Variants in MPPE1 observed in about 807,000 individuals in gnomAD.
MPPE1 encodes metallo phosphoesterase.
Under a neutral mutation model 43.8 loss-of-function variants are expected in MPPE1, and 28 were observed. That is an observed-to-expected ratio of 0.64 (90% CI 0.47 to 0.88). The LOEUF is 0.88. MPPE1 is among the 40% of genes least tolerant of loss of function. MPPE1 has a pLI of 0.00. For synonymous variants in MPPE1, 159 were observed against 188.5 expected (o/e 0.84, Z 1.28); for missense variants, 428 against 492.2 (o/e 0.87, Z 1.23).
At chr18:11,904,278 G>A (rs2039483756) in intron 2 of MPPE1, among the ~76,000 whole-genome samples, 1 of 152,024 alleles carries the variant, frequency 6.6e-6, no homozygotes, top group African/African-American at 2.4e-5. Context: ...ATAACCATGT[G>A]AAGCAGCTAT....
intron 2 of MPPE1, among the ~76,000 whole-genome samples, chr18:11,901,890 G>A (rs963851432): frequency 3.9e-5 from 6 of 152,148 alleles, no homozygotes; most frequent in Non-Finnish European, 5.9e-5. Context: ...TTTTAACTAT[G>A]TCCTTTCAGA....
intron 6 of MPPE1, among the ~76,000 whole-genome samples, chr18:11,887,351 T>C (rs988330338): frequency 7.6e-6 from 1 of 130,908 alleles, no homozygotes; most frequent in African/African-American, 3.3e-5. Context: ...GCCTCTTCCA[T>C]GCAGGGCTAA....
chr18:11,886,655 A>G lies in MPPE1; in HGVS notation c.745-34T>C, dbSNP rs1273335014. The G allele has an allele frequency of 1.2e-6, 2 of 1,613,976 alleles. No individual in the cohort carries two copies. Among genetic ancestry groups the G allele is most frequent in the Non-Finnish European group, 1.7e-6 (2 of 1,180,034 alleles). On this transcript the variant is annotated intron_variant, in intron 8 of 10. Transcript: ENST00000588072. This position sits in a 1 kb window ranked among gnomAD's most constrained non-coding sequence, Gnocchi z 4.1. ...GGTGGAGAGAGGAGTTCAGGCGGCT[A>G]TCGTGAAACCACAGGCTGCCTGCTG... is the stretch of plus-strand genomic sequence containing the variant.
At chr18:11,905,298 C>T (rs1367439630) in intron 2 of MPPE1, 2 of 151,710 alleles carry the variant, frequency 1.3e-5, no homozygotes, top group African/African-American at 2.4e-5. Context: ...CAGAGGGAGA[C>T]TGTCTCAAAA....
intron 2 of MPPE1, among the ~76,000 whole-genome samples, chr18:11,903,388 A>G (rs558733349): frequency 1.2e-4 from 19 of 152,016 alleles, no homozygotes; most frequent in Non-Finnish European, 2.1e-4. Flanking sequence ...GCTCATGCTC[A>G]CCTCCCAAGC....
rs776457443 is a variant in MPPE1 at position 11,884,582 on chromosome 18, G to A, written c.1054C>T (p.Pro352Ser). Reference protein sequence around the residue: ...TDYTLSKCYLPREDVVLIIYC... With the variant: ...TDYTLSKCYLSREDVVLIIYC... The stretch of plus-strand genomic sequence containing the variant: ...ATGATCAAAACCACATCCTCACGTG[G>A]GAGGTAGCACTTGGAGAGGGTGTAG... The change falls in exon 11 of 11, where the codon CCA (proline) becomes TCA (serine). Residue 352 changes from proline (P) to serine (S), a missense_variant. This residue lies in a region of MPPE1 where 379 missense variants were observed against 402.5 expected (regional missense o/e 0.94). Transcript: ENST00000588072. 7.4e-6 allele frequency: 12 copies of A among 1,613,840 alleles called. No individual in the cohort carries two copies. In the Admixed American group the frequency reaches 8.3e-5, roughly 11 times the overall value.
intron 3 of MPPE1, among the ~76,000 whole-genome samples, chr18:11,895,543 C>CTT (rs10714864): frequency 6.8e-6 from 1 of 147,054 alleles, no homozygotes; most frequent in Non-Finnish European, 1.5e-5. Flanking sequence ...TTTTATTTTA[C>CTT]TTTTTTTTTT....
At position 11,886,363 on chromosome 18, in the gene MPPE1, CT is replaced by C. The variant is rs1397427788; in HGVS notation, c.867+135del. On this transcript the variant is annotated intron_variant, in intron 9 of 10. Coordinates refer to ENST00000588072, the MANE Select transcript of MPPE1 (RefSeq NM_023075.6). The surrounding 1 kb of genome is among the most constrained non-coding windows in gnomAD (Gnocchi z 4.1). ...TACTGTGAAAGCCAGGCCTCCACCCCTGTCCCCCCAGGTGATAACTAAGTCA... is the reference window on the plus strand; with the variant it reads ...TACTGTGAAAGCCAGGCCTCCACCCCGTCCCCCCAGGTGATAACTAAGTCA... 4.8e-6 allele frequency: 6 copies of C among 1,254,084 alleles called. No individual in the cohort carries two copies. Among genetic ancestry groups the C allele is most frequent in the South Asian group, 1.2e-5 (1 of 80,198 alleles). 77.7% of individuals were successfully genotyped at this position (1,254,084 alleles called of 1,614,324 possible).
rs761060255 is a variant in MPPE1 at position 11,885,698 on chromosome 18, C to T, written c.986G>A (p.Arg329Lys). Residue 329 changes from arginine (R) to lysine (K), a missense_variant, in exon 10 of 11, where the codon AGA becomes AAA. This residue lies in a region of MPPE1 where 379 missense variants were observed against 402.5 expected (regional missense o/e 0.94). Coordinates refer to ENST00000588072, the MANE Select transcript of MPPE1 (RefSeq NM_023075.6). ...LSVPSFSWRN[R>K]NNPSFIMGSI... ...TACCATGATGAAACTGGGGTTGTTT[C>T]TGTTCCTCCAACTGAAAGATGGGAC... The T allele has an allele frequency of 3.2e-5, 52 of 1,613,572 alleles. No individual in the cohort carries two copies. The highest frequency in any genetic ancestry group is 4.3e-5 in the Non-Finnish European group (51 of 1,179,674).
chr18:11,906,779 G>A (rs977358796), intron 1 of MPPE1, among the ~76,000 whole-genome samples: 2 of 151,750 alleles, frequency 1.3e-5, no homozygotes, highest in Admixed American at 6.6e-5. Context: ...GCTTGAATGC[G>A]GGAGGCGGAG....
At chr18:11,894,244 T>C (rs1453814494) in intron 3 of MPPE1, among the ~76,000 whole-genome samples, 1 of 151,800 alleles carries the variant, frequency 6.6e-6, no homozygotes, top group Non-Finnish European at 1.5e-5. Flanking sequence ...CTGGCCAATA[T>C]CATGAAACCC....
intron 6 of MPPE1, 105 bp from the exon 7 acceptor site, chr18:11,887,130 GC>G: frequency 1.4e-6 from 1 of 732,406 alleles, no homozygotes. Flanking sequence ...AAAGAAACAA[GC>G]CCAGAGCAGC....
intron 4 of MPPE1, among the ~76,000 whole-genome samples, chr18:11,889,791 C>G (rs902058514): frequency 2.0e-5 from 3 of 151,970 alleles, no homozygotes; most frequent in Admixed American, 2.0e-4. Flanking sequence ...CCAGGATTGT[C>G]TCGATCTCCT....
In MPPE1 at chr18:11,897,429, C is replaced by A. The variant is rs9954970; in HGVS notation, c.-92-73G>T. ...TATCACGACCTCCCTCTATTAAGAA[C>A]TAATGAGTTACATAATCCTATCTAC... is the stretch of plus-strand genomic sequence containing the variant. On this transcript the variant is annotated intron_variant, in intron 2 of 10. Coordinates refer to ENST00000588072, the MANE Select transcript of MPPE1 (RefSeq NM_023075.6). The A allele has an allele frequency of 7.9e-4, 498 of 630,068 alleles. 6 individuals are homozygous for A. In the African/African-American group the frequency reaches 8.4e-3, roughly 11 times the overall value. The allele number at this position is 630,068 out of a possible 1,614,324, so 39.0% of individuals were successfully genotyped here.
In MPPE1 at chr18:11,886,274, T is replaced by G; in HGVS notation, c.867+225A>C. On this transcript the variant is annotated intron_variant, in intron 9 of 10. Coordinates refer to ENST00000588072, the MANE Select transcript of MPPE1 (RefSeq NM_023075.6). This position sits in a 1 kb window ranked among gnomAD's most constrained non-coding sequence, Gnocchi z 4.1. ...AGAATAGCTGAGACTATTACTGACT[T>G]GAGGGTAGGAAACAGAAGTAGGTTT... 1 of 571,036 alleles carries G rather than the reference T, an allele frequency of 1.8e-6. No homozygotes were observed. The highest frequency in any genetic ancestry group is 3.1e-6 in the Non-Finnish European group (1 of 326,736). The allele number at this position is 571,036 out of a possible 1,614,324, so 35.4% of individuals were successfully genotyped here. A position where few individuals can be genotyped will look rare whatever the true frequency, so the allele number is the denominator to read the frequency against.
rs558219834 is a variant in MPPE1 at position 11,901,483 on chromosome 18, G to A, written c.-92-4127C>T. Reference sequence around the variant, plus strand: ...TGGCCTCAGGTGATCCACCCGCCTCGGCCTCCCAAAGTACTAGGATTACAG... The same window carrying A: ...TGGCCTCAGGTGATCCACCCGCCTCAGCCTCCCAAAGTACTAGGATTACAG... On this transcript the variant is annotated intron_variant, in intron 2 of 10. Coordinates refer to ENST00000588072, the MANE Select transcript of MPPE1 (RefSeq NM_023075.6). Among the ~76,000 whole-genome samples, 44 of 151,430 alleles carry A rather than the reference G, an allele frequency of 2.9e-4. No individual in the cohort carries two copies. The South Asian group carries it at 3.8e-3, about 13-fold the overall frequency.
chr18:11,898,269 G>A (rs1000776593), intron 2 of MPPE1, among the ~76,000 whole-genome samples: 12 of 151,844 alleles, frequency 7.9e-5, no homozygotes, highest in African/African-American at 2.7e-4. Flanking sequence ...ACGGTTTTTC[G>A]CCATGTTGGC....
At chr18:11,887,128 A>G (rs76565760) in intron 6 of MPPE1, 103 bp from the exon 7 acceptor site, 11,863 of 773,488 alleles carry the variant, frequency 0.015, 447 homozygotes, top group East Asian at 0.12. Context: ...GCAAAGAAAC[A>G]AGCCCAGAGC....
chr18:11,886,969 T>G lies in MPPE1; in HGVS notation c.626A>C (p.Glu209Ala). 1 of 1,613,900 alleles carries G rather than the reference T, an allele frequency of 6.2e-7. No individual in the cohort carries two copies. The highest frequency in any genetic ancestry group is 8.5e-7 in the Non-Finnish European group (1 of 1,179,872). The part of the protein sequence containing the change: ...LNGDGCGICS[E>A]TEAELIEVSH... ...AACTTCAATGAGCTCTGCTTCTGTT[T>G]CAGAGCAGATGCCACAGCCATCCCC... The change falls in exon 7 of 11, where the codon GAA (glutamate) becomes GCA (alanine). Residue 209 changes from glutamate (E) to alanine (A), a missense_variant. This residue lies in a region of MPPE1 where 379 missense variants were observed against 402.5 expected (regional missense o/e 0.94). Transcript: ENST00000588072. The surrounding 1 kb of genome is among the most constrained non-coding windows in gnomAD (Gnocchi z 4.1).
Sources: gnomAD v4.1 joint callset for allele counts (sites outside exome capture counted in the v4.1 genomes callset) on GRCh38, gnomAD v4.1.1 for gene constraint, gnomAD v4.1.1 regional missense constraint, Gnocchi (gnomAD v3.1) non-coding constraint, MANE v1.5 for transcripts, NCBI Gene and HGNC (gene_info 2026-07-23, HGNC 2026-07-21) for gene names.